The following MDGA2 variants were observed in gnomAD, a reference collection of about 807,000 sequenced individuals.
The protein encoded by MDGA2 is MAM domain-containing glycosylphosphatidylinositol anchor protein 2.
A neutral mutation model predicts 117.8 loss-of-function variants in MDGA2; 40 were observed. That is an observed-to-expected ratio of 0.34 (90% confidence interval 0.26 to 0.44). MDGA2 has a LOEUF of 0.44. Ranked by LOEUF, MDGA2 falls within the 20% of genes least tolerant of loss-of-function variation. MDGA2 has a pLI of 1.00. For synonymous variants in MDGA2, 452 were observed against 439.0 expected (o/e 1.03, Z -0.37); for missense variants, 1,123 against 1,250.6 (o/e 0.90, Z 1.54).
At chr14:47,263,619 T>C (rs111724835) in intron 2 of MDGA2, among the ~76,000 whole-genome samples, 41 of 152,214 alleles carry the variant, frequency 2.7e-4, no homozygotes, top group African/African-American at 7.7e-4. Flanking sequence ...AAAGTTCCAA[T>C]AGATTAATCT....
At chr14:47,191,530 G>A (rs955302745) in intron 3 of MDGA2, among the ~76,000 whole-genome samples, 1 of 151,448 alleles carries the variant, frequency 6.6e-6, no homozygotes, top group African/African-American at 2.4e-5. Flanking sequence ...AAAAGTTTCA[G>A]TTGTCACATC....
rs370153152 is a variant in MDGA2, at chr14:47,059,007, G to C, written c.1525+2242C>G. On this transcript the variant is annotated intron_variant, in intron 7 of 16. Transcript: ENST00000399232. The stretch of plus-strand genomic sequence containing the variant: ...AGGAGCTGCTCCTGTCTTTGGGAGT[G>C]ATAAAACATTAAGTCACTATAAATT... 16 of 998,762 alleles carry C rather than the reference G, an allele frequency of 1.6e-5. No individual in the cohort carries two copies. In the East Asian group the frequency reaches 4.3e-4, roughly 27 times the overall value. The allele number at this position is 998,762 out of a possible 1,614,324, so 61.9% of individuals were successfully genotyped here.
intron 3 of MDGA2, among the ~76,000 whole-genome samples, chr14:47,167,610 A>T (rs1883938534): frequency 6.6e-6 from 1 of 152,136 alleles, no homozygotes; most frequent in Admixed American, 6.5e-5. Context: ...AGCATCAGGG[A>T]GTGCTCTGAT....
At chr14:46,928,547 G>A (rs1884417733) in intron 9 of MDGA2, among the ~76,000 whole-genome samples, 1 of 136,152 alleles carries the variant, frequency 7.3e-6, no homozygotes, top group African/African-American at 2.6e-5. Context: ...AGTATTTATT[G>A]AATAAATCAA....
intron 4 of MDGA2, among the ~76,000 whole-genome samples, chr14:47,137,792 T>G (rs1268577914): frequency 6.6e-6 from 1 of 152,168 alleles, no homozygotes; most frequent in Non-Finnish European, 1.5e-5. Flanking sequence ...AGCCATGATT[T>G]CCCAATGGTT....
intron 2 of MDGA2, among the ~76,000 whole-genome samples, chr14:47,247,089 G>A (rs1347702859): frequency 6.6e-6 from 1 of 151,736 alleles, no homozygotes; most frequent in East Asian, 1.9e-4. Flanking sequence ...CTATACTTCA[G>A]GCTGTATCTT....
Position 47,065,613 on chromosome 14 carries a change from T to C in MDGA2, c.1196-4035A>G, listed in dbSNP as rs17117980. Among the ~76,000 whole-genome samples, 990 of 152,306 alleles carry C rather than the reference T, an allele frequency of 6.5e-3. 34 individuals are homozygous for C. The East Asian group carries it at 0.12, about 18-fold the overall frequency. On this transcript the variant is annotated intron_variant, in intron 6 of 16. Coordinates refer to ENST00000399232, the MANE Select transcript of MDGA2 (RefSeq NM_001113498.3). The stretch of plus-strand genomic sequence containing the variant: ...TTAGATTTAAAATTATAACGTACAT[T>C]GTTTTGTTGGTCAAATGTTCCATGA...
intron 8 of MDGA2, among the ~76,000 whole-genome samples, chr14:46,991,176 G>A (rs1337110099): frequency 6.6e-6 from 1 of 151,928 alleles, no homozygotes; most frequent in African/African-American, 2.4e-5. Flanking sequence ...AAGTTCTGTG[G>A]AAATGTCACA....
intron 3 of MDGA2, among the ~76,000 whole-genome samples, chr14:47,202,747 G>C (rs1258389851): frequency 6.6e-6 from 1 of 152,172 alleles, no homozygotes; most frequent in Non-Finnish European, 1.5e-5. Context: ...ATTTATACAA[G>C]TGACAGTGTA....
chr14:46,986,625 A>G (rs1180887052), intron 8 of MDGA2, among the ~76,000 whole-genome samples: 1 of 152,116 alleles, frequency 6.6e-6, no homozygotes, highest in Non-Finnish European at 1.5e-5. Context: ...CAAAAGATAA[A>G]TGTCTTAAGG....
intron 7 of MDGA2, among the ~76,000 whole-genome samples, chr14:47,048,387 T>C (rs1889338418): frequency 6.6e-6 from 1 of 152,116 alleles, no homozygotes; most frequent in African/African-American, 2.4e-5. Flanking sequence ...TTATTTTACC[T>C]TCTGGAGCAA....
At chr14:47,673,577 C>T (rs1370179475) in intron 1 of MDGA2, among the ~76,000 whole-genome samples, 2 of 151,540 alleles carry the variant, frequency 1.3e-5, no homozygotes, top group Non-Finnish European at 2.9e-5. Context: ...TTGGGCACCA[C>T]CTGCTTGTCC....
At chr14:47,117,826 C>A (rs531189464) in intron 5 of MDGA2, among the ~76,000 whole-genome samples, 37 of 152,116 alleles carry the variant, frequency 2.4e-4, no homozygotes, top group Non-Finnish European at 4.6e-4. Flanking sequence ...CTCTAGAGAT[C>A]TGTGGTACAA....
At chr14:47,537,612 A>C (rs867066500) in intron 1 of MDGA2, among the ~76,000 whole-genome samples, 87 of 137,834 alleles carry the variant, frequency 6.3e-4, no homozygotes, top group African/African-American at 2.2e-3. Flanking sequence ...AAAAAAAAAA[A>C]AACTTAAAAA....
chr14:46,915,661 G>A (rs1218338003), intron 10 of MDGA2, among the ~76,000 whole-genome samples: 1 of 152,082 alleles, frequency 6.6e-6, no homozygotes, highest in African/African-American at 2.4e-5. Context: ...TGAAAACCTT[G>A]AAGTTCAGCA....
intron 14 of MDGA2, among the ~76,000 whole-genome samples, chr14:46,858,666 A>T (rs185779843): frequency 3.2e-4 from 49 of 152,098 alleles, no homozygotes; most frequent in African/African-American, 1.1e-3. Context: ...CGACCTCGTG[A>T]TCCACCAGCC....
intron 1 of MDGA2, among the ~76,000 whole-genome samples, chr14:47,448,131 A>ATTTATTTTAT (rs1048022102): frequency 6.7e-6 from 1 of 148,262 alleles, no homozygotes; most frequent in African/African-American, 2.5e-5. Context: ...TACTTTATTT[A>ATTTATTTTAT]TTTATTTTAT....
At chr14:47,222,115 A>G (rs1886325878) in intron 2 of MDGA2, among the ~76,000 whole-genome samples, 1 of 152,072 alleles carries the variant, frequency 6.6e-6, no homozygotes, top group Admixed American at 6.6e-5. Context: ...TATCCACTAA[A>G]AGAGCCTACT....
chr14:47,654,533 C>T (rs939626119), intron 1 of MDGA2, among the ~76,000 whole-genome samples: 5 of 152,086 alleles, frequency 3.3e-5, no homozygotes, highest in African/African-American at 7.2e-5. Context: ...AGCCACAGGA[C>T]CCAGCCAATA....
Sources: gnomAD v4.1 joint callset for allele counts (sites outside exome capture counted in the v4.1 genomes callset) on GRCh38, gnomAD v4.1.1 for gene constraint, MANE v1.5 for transcripts, NCBI Gene and HGNC (gene_info 2026-07-23, HGNC 2026-07-21) for gene names.